OR2D2: variants seen among roughly 807,000 people sequenced by gnomAD.
OR2D2 encodes the protein olfactory receptor 2D2.
OR2D2 carries 20 observed loss-of-function variants against 16.0 expected under a neutral mutation model. That is an observed-to-expected ratio of 1.25 (90% confidence interval 0.88 to 1.82). OR2D2 has a LOEUF of 1.82. OR2D2 is among the 40% of genes most tolerant of loss of function. The probability of loss-of-function intolerance (pLI) is 0.00; values close to 1 mark genes in which losing one functional copy is unlikely to be tolerated. For missense variants in OR2D2, 409 were observed against 369.3 expected (o/e 1.11, Z -0.88); for synonymous variants, 164 against 143.9 (o/e 1.14, Z -1.00).
chr11:6,891,991 G>A lies in OR2D2; in HGVS notation c.510C>T (p.Gly170=). The change falls in exon 1 of 1, where the codon GGC becomes GGT. Residue 170 remains glycine, a synonymous_variant. Coordinates refer to ENST00000299459, the MANE Select transcript of OR2D2 (RefSeq NM_003700.1). ...TTFILRLPYR[G]SNSIAHFFCE... is the part of the protein sequence containing the mutation. ...AAAAGAAATGAGCAATGCTGTTACTGCCTCGGTAGGGTAGCCTCAGTATGA... is the reference window on the plus strand; with the variant it reads ...AAAAGAAATGAGCAATGCTGTTACTACCTCGGTAGGGTAGCCTCAGTATGA... 1 of 1,613,704 alleles carries A rather than the reference G, an allele frequency of 6.2e-7. No homozygotes were observed. The highest frequency in any genetic ancestry group is 8.5e-7 in the Non-Finnish European group (1 of 1,179,812).
rs766531079 is a variant in OR2D2, at chr11:6,892,339, T to G, written c.162A>C (p.Gln54His). Residue 54 changes from glutamine to histidine, a missense_variant, in exon 1 of 1, where the codon CAA becomes CAC. By Grantham distance (24) the Gln-to-His change is conservative (BLOSUM62 0). Transcript: ENST00000299459. ...GAAAAAAATACATGGGTGTGTGAAGTTGGGAGTCAACATGAACAAGGGAGA... is the reference window on the plus strand; with the variant it reads ...GAAAAAAATACATGGGTGTGTGAAGGTGGGAGTCAACATGAACAAGGGAGA... ...LLISLVHVDS[Q>H]LHTPMYFFLC... 3 of 1,613,484 alleles carry G rather than the reference T, an allele frequency of 1.9e-6. No homozygotes were observed. The Admixed American group carries it at 5.0e-5, about 27-fold the overall frequency.
rs1965207 is a variant in OR2D2 at position 6,892,012 on chromosome 11, T to C, written c.489A>G (p.Ile163Met). Reference protein sequence around the residue: ...ILVSVVDTTFILRLPYRGSNS... With the variant: ...ILVSVVDTTFMLRLPYRGSNS... ...TACTGCCTCGGTAGGGTAGCCTCAG[T>C]ATGAAGGTGGTGTCTACCACAGACA... is the stretch of plus-strand genomic sequence containing the variant. Residue 163 changes from isoleucine (I) to methionine (M), a missense_variant, in exon 1 of 1, where the codon ATA (isoleucine) becomes ATG (methionine). By Grantham distance (10) the Ile-to-Met change is conservative. Coordinates refer to ENST00000299459, the MANE Select transcript of OR2D2 (RefSeq NM_003700.1). 0.14 allele frequency: 226,527 copies of C among 1,613,444 alleles called. 16,330 individuals are homozygous for C. Among genetic ancestry groups the C allele is most frequent in the Middle Eastern group, 0.19 (1,161 of 6,054 alleles).
chr11:6,892,057 T>G lies in OR2D2; in HGVS notation c.444A>C (p.Ser148=), dbSNP rs377174337. 610 of 1,613,866 alleles carry G rather than the reference T, an allele frequency of 3.8e-4. 1 individual carries two copies. The highest frequency in any genetic ancestry group is 2.2e-3 in the South Asian group (203 of 91,082). ...CAGACACCAGAATGCCACTGGTCCA[T>G]GATCCTGTTGCCAGCTGGACACACA... ...WKVCVQLATG[S]WTSGILVSVV... The change falls in exon 1 of 1, where the codon TCA becomes TCC. Residue 148 remains serine, a synonymous_variant. Coordinates refer to ENST00000299459, the MANE Select transcript of OR2D2 (RefSeq NM_003700.1).
chr11:6,891,869 A>T lies in OR2D2; in HGVS notation c.632T>A (p.Val211Asp). Reference sequence around the variant, plus strand: ...GCCATAGGATACCAGAATCAGAAAAACAGGTATGAGGAGAATCACAACCCC... The same window carrying T: ...GCCATAGGATACCAGAATCAGAAAATCAGGTATGAGGAGAATCACAACCCC... ...LMGVVILLIP[V>D]FLILVSYGRI... The change falls in exon 1 of 1, where the codon GTT becomes GAT. Residue 211 changes from valine to aspartate, a missense_variant. Transcript: ENST00000299459. 6.2e-7 allele frequency: 1 copy of T among 1,613,846 alleles called. No individual in the cohort carries two copies. The highest frequency in any genetic ancestry group is 8.5e-7 in the Non-Finnish European group (1 of 1,179,874).
At position 6,892,219 on chromosome 11, in the gene OR2D2, G is replaced by C. The variant is rs1848601286; in HGVS notation, c.282C>G (p.Phe94Leu). Residue 94 changes from phenylalanine (F) to leucine (L), a missense_variant, in exon 1 of 1, where the codon TTC becomes TTG. Transcript: ENST00000299459. ...AGAGAAGTCGAGCTGCGCAAAGTGT[G>C]AATGCAATGACCTTCTTTCTGGAAA... ...HLLSRKKVIA[F>L]TLCAARLLFF... is the part of the protein sequence containing the mutation. The C allele has an allele frequency of 6.2e-7, 1 of 1,613,828 alleles. No individual in the cohort carries two copies. The highest frequency in any genetic ancestry group is 1.1e-5 in the South Asian group (1 of 91,088).
At position 6,892,299 on chromosome 11, in the gene OR2D2, G is replaced by C. The variant is rs778426416; in HGVS notation, c.202C>G (p.Leu68Val). 3 of 1,613,872 alleles carry C rather than the reference G, an allele frequency of 1.9e-6. No individual in the cohort carries two copies. The highest frequency in any genetic ancestry group is 1.3e-5 in the African/African-American group (1 of 75,016). ...PMYFFLCNLSLADLCFSTNIV... is the reference protein window; with the variant it reads ...PMYFFLCNLSVADLCFSTNIV... The stretch of plus-strand genomic sequence containing the variant: ...TTGGTAGAGAAACAGAGGTCAGCCA[G>C]AGACAAGTTGCAGAGAAAAAAATAC... The change falls in exon 1 of 1, where the codon CTG becomes GTG. Residue 68 changes from leucine (L) to valine (V), a missense_variant. Coordinates refer to ENST00000299459, the MANE Select transcript of OR2D2 (RefSeq NM_003700.1).
At position 6,892,078 on chromosome 11, in the gene OR2D2, A is replaced by C; in HGVS notation, c.423T>G (p.Cys141Trp). The change falls in exon 1 of 1, where the codon TGT becomes TGG. Residue 141 changes from cysteine (C) to tryptophan (W), a missense_variant. Coordinates refer to ENST00000299459, the MANE Select transcript of OR2D2 (RefSeq NM_003700.1). ...RYPNIMTWKVCVQLATGSWTS... is the reference protein window; with the variant it reads ...RYPNIMTWKVWVQLATGSWTS... The stretch of plus-strand genomic sequence containing the variant: ...TCCATGATCCTGTTGCCAGCTGGAC[A>C]CACACTTTCCAGGTCATGATGTTAG... 1 of 1,613,876 alleles carries C rather than the reference A, an allele frequency of 6.2e-7. No homozygotes were observed. Among genetic ancestry groups the C allele is most frequent in the South Asian group, 1.1e-5 (1 of 91,078 alleles).
rs745856651 is a variant in OR2D2, at chr11:6,891,759, C to A, written c.742G>T (p.Val248Phe). 6.2e-7 allele frequency: 1 copy of A among 1,613,752 alleles called. No individual in the cohort carries two copies. Among genetic ancestry groups the A allele is most frequent in the Non-Finnish European group, 8.5e-7 (1 of 1,179,842 alleles). Residue 248 changes from valine (V) to phenylalanine (F), a missense_variant, in exon 1 of 1, where the codon GTC (valine) becomes TTC (phenylalanine). Transcript: ENST00000299459. Reference protein sequence around the residue: ...FSTCGSHLMVVILFYGSAIIT... With the variant: ...FSTCGSHLMVFILFYGSAIIT... Reference sequence around the variant, plus strand: ...ATTGCTGATCCATAAAAAAGTATGACCACCATGAGGTGGGAGCCACAGGTA... The same window carrying A: ...ATTGCTGATCCATAAAAAAGTATGAACACCATGAGGTGGGAGCCACAGGTA...
At position 6,891,694 on chromosome 11, in the gene OR2D2, T is replaced by C; in HGVS notation, c.807A>G (p.Glu269=). 1 of 1,612,924 alleles carries C rather than the reference T, an allele frequency of 6.2e-7. No homozygotes were observed. Among genetic ancestry groups the C allele is most frequent in the East Asian group, 2.2e-5 (1 of 44,866 alleles). Residue 269 remains glutamate, a synonymous_variant, in exon 1 of 1, where the codon GAA becomes GAG. Coordinates refer to ENST00000299459, the MANE Select transcript of OR2D2 (RefSeq NM_003700.1). ...TTGCATAGAAAACAGACACCGATTT[T>C]TCCTGCTGTTTGGAAGACTTGGGTG... is the stretch of plus-strand genomic sequence containing the variant. ...YMTPKSSKQQ[E]KSVSVFYAIV... is the part of the protein sequence containing the mutation.
Position 6,891,591 on chromosome 11 carries a change from T to G in OR2D2, c.910A>C (p.Thr304Pro), listed in dbSNP as rs368013351. The G allele has an allele frequency of 8.1e-6, 13 of 1,612,464 alleles. No individual in the cohort carries two copies. The African/African-American group carries it at 1.5e-4, about 18-fold the overall frequency. Reference sequence around the variant, plus strand: ...CCAAGCCTTCATGGGAAATTCCTTGTGGCTACTTTCCTCAGAGCTGCCTTC... The same window carrying G: ...CCAAGCCTTCATGGGAAATTCCTTGGGGCTACTTTCCTCAGAGCTGCCTTC... ...DVKAALRKVA[T>P]RNFP Residue 304 changes from threonine to proline, a missense_variant, in exon 1 of 1, where the codon ACA becomes CCA. Thr to Pro is a conservative substitution (Grantham distance 38). Coordinates refer to ENST00000299459, the MANE Select transcript of OR2D2 (RefSeq NM_003700.1).
Position 6,892,322 on chromosome 11 carries a change from T to C in OR2D2, c.179A>G (p.Tyr60Cys), listed in dbSNP as rs368036261. ...CAGAGACAAGTTGCAGAGAAAAAAA[T>C]ACATGGGTGTGTGAAGTTGGGAGTC... ...HVDSQLHTPM[Y>C]FFLCNLSLAD... The change falls in exon 1 of 1, where the codon TAT (tyrosine) becomes TGT (cysteine). Residue 60 changes from tyrosine (Y) to cysteine (C), a missense_variant. By Grantham distance (194) the Tyr-to-Cys change is radical. Coordinates refer to ENST00000299459, the MANE Select transcript of OR2D2 (RefSeq NM_003700.1). 127 of 1,613,466 alleles carry C rather than the reference T, an allele frequency of 7.9e-5. No homozygotes were observed. Among genetic ancestry groups the C allele is most frequent in the Non-Finnish European group, 1.0e-4 (123 of 1,179,806 alleles).
chr11:6,892,476 C>T lies in OR2D2; in HGVS notation c.25G>A (p.Val9Met). 5.6e-6 allele frequency: 9 copies of T among 1,609,974 alleles called. No homozygotes were observed. The highest frequency in any genetic ancestry group is 7.6e-6 in the Non-Finnish European group (9 of 1,177,640). MRQINQTQVTEFLLLGLSD... is the reference protein window; with the variant it reads MRQINQTQMTEFLLLGLSD... Reference sequence around the variant, plus strand: ...AGTCCCAGAAGGAGGAATTCTGTCACTTGTGTCTGATTTATCTGTCTCATA... The same window carrying T: ...AGTCCCAGAAGGAGGAATTCTGTCATTTGTGTCTGATTTATCTGTCTCATA... The change falls in exon 1 of 1, where the codon GTG (valine) becomes ATG (methionine). Residue 9 changes from valine (V) to methionine (M), a missense_variant. Val to Met is a conservative substitution (Grantham distance 21). Transcript: ENST00000299459.
rs774631022 is a variant in OR2D2, at chr11:6,891,923, T to A, written c.578A>T (p.His193Leu). 6.2e-7 allele frequency: 1 copy of A among 1,613,700 alleles called. No individual in the cohort carries two copies. The highest frequency in any genetic ancestry group is 8.5e-7 in the Non-Finnish European group (1 of 1,179,814). Residue 193 changes from histidine to leucine, a missense_variant, in exon 1 of 1, where the codon CAT (histidine) becomes CTT (leucine). His to Leu is a moderately conservative substitution (Grantham distance 99). Coordinates refer to ENST00000299459, the MANE Select transcript of OR2D2 (RefSeq NM_003700.1). Reference sequence around the variant, plus strand: ...AAGAAAAATGGCCATCTCTGATGCATGGGTGTCTGTGGATGCTAAGATCAA... The same window carrying A: ...AAGAAAAATGGCCATCTCTGATGCAAGGGTGTCTGTGGATGCTAAGATCAA... ...ALLILASTDT[H>L]ASEMAIFLMG...
Position 6,891,997 on chromosome 11 carries a change from G to A in OR2D2, c.504C>T (p.Tyr168=). 6.2e-7 allele frequency: 1 copy of A among 1,613,712 alleles called. No individual in the cohort carries two copies. The change falls in exon 1 of 1, where the codon TAC becomes TAT. Residue 168 remains tyrosine, a synonymous_variant. Transcript: ENST00000299459. ...VDTTFILRLP[Y]RGSNSIAHFF... is the part of the protein sequence containing the mutation. The stretch of plus-strand genomic sequence containing the variant: ...AATGAGCAATGCTGTTACTGCCTCG[G>A]TAGGGTAGCCTCAGTATGAAGGTGG...
In OR2D2 at chr11:6,891,796, G is replaced by C; in HGVS notation, c.705C>G (p.Leu235=). The C allele has an allele frequency of 6.2e-7, 1 of 1,613,750 alleles. No individual in the cohort carries two copies. The highest frequency in any genetic ancestry group is 8.5e-7 in the Non-Finnish European group (1 of 1,179,828). The change falls in exon 1 of 1, where the codon CTC becomes CTG. Residue 235 remains leucine (L), a synonymous_variant. Transcript: ENST00000299459. ...GGGAGCCACAGGTAGAAAATGCCTT[G>C]AGACTCCCCACAGTTGACTTCATCT... ...VVKMKSTVGS[L]KAFSTCGSHL...
chr11:6,892,164 C>G lies in OR2D2; in HGVS notation c.337G>C (p.Ala113Pro). Reference sequence around the variant, plus strand: ...TCATAGGACATCACTGCAAGAAGGGCGCACTGGGTACACCCAAAAATGAGG... The same window carrying G: ...TCATAGGACATCACTGCAAGAAGGGGGCACTGGGTACACCCAAAAATGAGG... ...FFLIFGCTQCALLAVMSYDRY... is the reference protein window; with the variant it reads ...FFLIFGCTQCPLLAVMSYDRY... Residue 113 changes from alanine (A) to proline (P), a missense_variant, in exon 1 of 1, where the codon GCC (alanine) becomes CCC (proline). Ala to Pro is a conservative substitution (Grantham distance 27, BLOSUM62 -1). Transcript: ENST00000299459. 6.2e-7 allele frequency: 1 copy of G among 1,613,830 alleles called. No homozygotes were observed. The highest frequency in any genetic ancestry group is 8.5e-7 in the Non-Finnish European group (1 of 1,179,852).
rs763835976 is a variant in OR2D2 at position 6,892,243 on chromosome 11, A to T, written c.258T>A (p.Leu86=). ...TGAATGCAATGACCTTCTTTCTGGA[A>T]AGCAGGTGGACTAGTGCCTGAGGAA... ...NIVPQALVHL[L]SRKKVIAFTL... is the part of the protein sequence containing the mutation. The change falls in exon 1 of 1, where the codon CTT becomes CTA. Residue 86 remains leucine, a synonymous_variant. Coordinates refer to ENST00000299459, the MANE Select transcript of OR2D2 (RefSeq NM_003700.1). 111 of 1,613,854 alleles carry T rather than the reference A, an allele frequency of 6.9e-5. 2 individuals are homozygous for T. In the South Asian group the frequency reaches 1.1e-3, roughly 17 times the overall value.
rs2133081440 is a variant in OR2D2 at position 6,892,090 on chromosome 11, G to A, written c.411C>T (p.Thr137=). The change falls in exon 1 of 1, where the codon ACC becomes ACT. Residue 137 remains threonine (T), a synonymous_variant. Coordinates refer to ENST00000299459, the MANE Select transcript of OR2D2 (RefSeq NM_003700.1). ...TTGCCAGCTGGACACACACTTTCCA[G>A]GTCATGATGTTAGGGTAACGCAGAG... ...CNPLRYPNIM[T]WKVCVQLATG... 1.2e-6 allele frequency: 2 copies of A among 1,613,860 alleles called. No individual in the cohort carries two copies.
Position 6,892,223 on chromosome 11 carries a change from G to A in OR2D2, c.278C>T (p.Ala93Val), listed in dbSNP as rs1351092580. 1.2e-6 allele frequency: 2 copies of A among 1,613,920 alleles called. No homozygotes were observed. The highest frequency in any genetic ancestry group is 1.3e-5 in the African/African-American group (1 of 75,010). Residue 93 changes from alanine to valine, a missense_variant, in exon 1 of 1, where the codon GCA becomes GTA. Physicochemically the swap from Ala to Val is moderately conservative, Grantham distance 64 (BLOSUM62 0). Coordinates refer to ENST00000299459, the MANE Select transcript of OR2D2 (RefSeq NM_003700.1). The stretch of plus-strand genomic sequence containing the variant: ...AAGTCGAGCTGCGCAAAGTGTGAAT[G>A]CAATGACCTTCTTTCTGGAAAGCAG... ...VHLLSRKKVI[A>V]FTLCAARLLF...
Sources: gnomAD v4.1 joint callset for allele counts on GRCh38, gnomAD v4.1.1 for gene constraint, MANE v1.5 for transcripts, NCBI Gene and HGNC (gene_info 2026-07-23, HGNC 2026-07-21) for gene names.